The following ADAMTS17 variants were observed in gnomAD, a reference collection of about 807,000 sequenced individuals.
ADAMTS17 encodes ADAM metallopeptidase with thrombospondin type 1 motif 17.
ADAMTS17 carries 113 observed loss-of-function variants against 141.5 expected under a neutral mutation model. The observed-to-expected ratio is 0.80, with a 90% CI of 0.69 to 0.93. ADAMTS17 has a LOEUF of 0.93. Ranked by LOEUF, ADAMTS17 falls within the 40% of genes least tolerant of loss-of-function variation. The pLI is 0.00. For missense variants in ADAMTS17, 1,659 were observed against 1,517.9 expected (o/e 1.09, Z -1.54); for synonymous variants, 768 against 630.6 (o/e 1.22, Z -3.27).
chr15:100,040,996 T>G (rs2031201042), intron 18 of ADAMTS17, among the ~76,000 whole-genome samples: 2 of 152,232 alleles, frequency 1.3e-5, no homozygotes, highest in Admixed American at 1.3e-4. Context: ...ACCATATCTT[T>G]TCAGATTGTG....
chr15:99,977,778 T>C (rs1408026995), intron 20 of ADAMTS17, among the ~76,000 whole-genome samples: 1 of 152,012 alleles, frequency 6.6e-6, no homozygotes, highest in Non-Finnish European at 1.5e-5. Context: ...AGTCCTCTAC[T>C]CAGATTCTGC....
chr15:100,254,630 A>C (rs1011098706), intron 6 of ADAMTS17, among the ~76,000 whole-genome samples: 4 of 152,216 alleles, frequency 2.6e-5, no homozygotes, highest in Non-Finnish European at 4.4e-5. Context: ...ACAAAAAGTC[A>C]TTTCTAAAAA....
chr15:100,136,437 T>C (rs1027819555), intron 10 of ADAMTS17, among the ~76,000 whole-genome samples: 2 of 152,198 alleles, frequency 1.3e-5, no homozygotes, highest in Non-Finnish European at 2.9e-5. Flanking sequence ...TTGTGATACA[T>C]TTTCACTACT....
chr15:99,994,056 C>T (rs1449584582), intron 19 of ADAMTS17, among the ~76,000 whole-genome samples: 2 of 152,102 alleles, frequency 1.3e-5, no homozygotes, highest in South Asian at 2.1e-4. Context: ...TGGGGAGGGA[C>T]GGTGCCCGGG....
intron 8 of ADAMTS17, among the ~76,000 whole-genome samples, chr15:100,172,806 C>T (rs758224222): frequency 6.6e-6 from 1 of 152,206 alleles, no homozygotes; most frequent in African/African-American, 2.4e-5. Flanking sequence ...GTTCCAACTG[C>T]GAGGAGCACC....
intron 3 of ADAMTS17, among the ~76,000 whole-genome samples, chr15:100,322,744 C>A (rs1405423001): frequency 6.6e-6 from 1 of 152,186 alleles, no homozygotes; most frequent in African/African-American, 2.4e-5. Flanking sequence ...ACTGACACTA[C>A]TTAAAAAATG....
chr15:100,239,416 C>T (rs543078995), intron 7 of ADAMTS17, among the ~76,000 whole-genome samples: 5 of 152,322 alleles, frequency 3.3e-5, no homozygotes, highest in East Asian at 1.9e-4. Context: ...ATACCGCAGT[C>T]GACCCTGCTG....
intron 13 of ADAMTS17, among the ~76,000 whole-genome samples, chr15:100,109,464 C>G (rs2036611025): frequency 6.9e-6 from 1 of 144,106 alleles, no homozygotes; most frequent in South Asian, 2.2e-4. Context: ...GCTGGAGCCA[C>G]TCTTATAGCG....
intron 7 of ADAMTS17, among the ~76,000 whole-genome samples, chr15:100,202,643 T>C (rs1458145880): frequency 6.6e-6 from 1 of 152,178 alleles, no homozygotes; most frequent in East Asian, 1.9e-4. Context: ...TCCATGTTTC[T>C]AAAAAGAAAC....
intron 18 of ADAMTS17, among the ~76,000 whole-genome samples, chr15:100,024,896 T>C (rs2141461074): frequency 6.6e-6 from 1 of 152,310 alleles, no homozygotes; most frequent in Middle Eastern, 3.4e-3. Flanking sequence ...CTGCTTCAAG[T>C]AAATAAACAA....
intron 3 of ADAMTS17, among the ~76,000 whole-genome samples, chr15:100,327,007 CT>C (rs2141936155): frequency 6.6e-6 from 1 of 152,328 alleles, no homozygotes; most frequent in South Asian, 2.1e-4. Context: ...AGTTTCATTT[CT>C]GTCATTTCCA....
intron 3 of ADAMTS17, among the ~76,000 whole-genome samples, chr15:100,320,529 C>T (rs12905788): frequency 0.24 from 36,793 of 152,094 alleles, 5,050 homozygotes; most frequent in South Asian, 0.43. Context: ...TTGGATAAAT[C>T]GTCACTAAGA....
chr15:100,108,587 G>A (rs557804785), intron 14 of ADAMTS17, among the ~76,000 whole-genome samples: 3 of 152,182 alleles, frequency 2.0e-5, no homozygotes, highest in African/African-American at 4.8e-5. Flanking sequence ...ACAGCTGGGC[G>A]CACCTATCTG....
intron 16 of ADAMTS17, among the ~76,000 whole-genome samples, chr15:100,052,649 CCT>C (rs1428476716): frequency 6.6e-6 from 1 of 152,194 alleles, no homozygotes; most frequent in Admixed American, 6.5e-5. Flanking sequence ...TGTTTTGCCT[CCT>C]CTCTTAGTCC....
At position 99,976,308 on chromosome 15, in the gene ADAMTS17, G is replaced by C. The variant is rs537445997; in HGVS notation, c.2950-86C>G. 2.5e-5 allele frequency: 38 copies of C among 1,502,348 alleles called. No individual in the cohort carries two copies. In the African/African-American group the frequency reaches 5.1e-4, roughly 20 times the overall value. 93.1% of individuals were successfully genotyped at this position (1,502,348 alleles called of 1,614,324 possible). A position where few individuals can be genotyped will look rare whatever the true frequency, so the allele number is the denominator to read the frequency against. Reference sequence around the variant, plus strand: ...CTCACAATGTGGCACTGCGGAGACAGGACAGCCTGAGTGGGGGCCTACACG... The same window carrying C: ...CTCACAATGTGGCACTGCGGAGACACGACAGCCTGAGTGGGGGCCTACACG... On this transcript the variant is annotated intron_variant, in intron 20 of 21. Coordinates refer to ENST00000268070, the MANE Select transcript of ADAMTS17 (RefSeq NM_139057.4).
At chr15:100,284,764 T>C (rs2044392986) in intron 3 of ADAMTS17, among the ~76,000 whole-genome samples, 1 of 152,210 alleles carries the variant, frequency 6.6e-6, no homozygotes. Context: ...ATATGCTTGA[T>C]AATGCTGCAC....
At position 100,339,035 on chromosome 15, in the gene ADAMTS17, G is replaced by A. The variant is rs537370240; in HGVS notation, c.450+2004C>T. On this transcript the variant is annotated intron_variant, in intron 2 of 21. Transcript: ENST00000268070. ...TGTCCAATGTCCAGCTCACACGAACGGGATGAACAAGGCAGACTAAACAAC... is the reference window on the plus strand; with the variant it reads ...TGTCCAATGTCCAGCTCACACGAACAGGATGAACAAGGCAGACTAAACAAC... 19 of 985,528 alleles carry A rather than the reference G, an allele frequency of 1.9e-5. No individual in the cohort carries two copies. In the African/African-American group the frequency reaches 3.1e-4, roughly 16 times the overall value. 61.0% of individuals were successfully genotyped at this position (985,528 alleles called of 1,614,324 possible). A position where few individuals can be genotyped will look rare whatever the true frequency, so the allele number is the denominator to read the frequency against.
At chr15:100,299,308 C>A (rs1484315627) in intron 3 of ADAMTS17, among the ~76,000 whole-genome samples, 1 of 151,430 alleles carries the variant, frequency 6.6e-6, no homozygotes, top group Non-Finnish European at 1.5e-5. Context: ...GTGTGTGTAA[C>A]CGCCGTCAGG....
chr15:100,187,774 A>C (rs531847022), intron 8 of ADAMTS17, among the ~76,000 whole-genome samples: 2 of 152,330 alleles, frequency 1.3e-5, no homozygotes, highest in East Asian at 3.9e-4. Context: ...GGTGGGAAGA[A>C]GACACCCTCT....
Sources: allele counts gnomAD v4.1 joint callset (sites outside exome capture counted in the v4.1 genomes callset), GRCh38; gene constraint gnomAD v4.1.1; transcripts MANE v1.5; gene names NCBI Gene and HGNC (gene_info 2026-07-23, HGNC 2026-07-21).